RYR3: variants seen among roughly 807,000 people sequenced by gnomAD.
RYR3 encodes brain ryanodine receptor-calcium release channel.
Under a neutral mutation model 584.3 loss-of-function variants are expected in RYR3, and 207 were observed. The observed-to-expected ratio is 0.35, with a 90% CI of 0.32 to 0.40. The LOEUF is 0.40. Ranked by LOEUF, RYR3 falls within the 10% of genes least tolerant of loss-of-function variation. RYR3 has a pLI of 1.00. For missense variants in RYR3, 5,616 were observed against 6,089.2 expected (o/e 0.92, Z 2.59); for synonymous variants, 2,416 against 2,248.5 (o/e 1.07, Z -2.11).
chr15:33,571,620 G>A (rs891689088), intron 12 of RYR3, among the ~76,000 whole-genome samples: 1 of 152,102 alleles, frequency 6.6e-6, no homozygotes, highest in African/African-American at 2.4e-5. Flanking sequence ...TGTCTTGAAT[G>A]TGCAGATTAT....
At chr15:33,500,818 A>C (rs1019444618) in intron 2 of RYR3, among the ~76,000 whole-genome samples, 1 of 152,066 alleles carries the variant, frequency 6.6e-6, no homozygotes, top group African/African-American at 2.4e-5. Flanking sequence ...TGGAGGTGGG[A>C]GTTCAGGCCA....
intron 5 of RYR3, among the ~76,000 whole-genome samples, chr15:33,536,001 CT>C (rs3838859): frequency 1.3e-5 from 2 of 152,284 alleles, no homozygotes; most frequent in East Asian, 3.9e-4. Context: ...TGATATTCTC[CT>C]TGAAGAAAGC....
intron 74 of RYR3, 21 bp downstream of exon 74, chr15:33,813,600 C>G (rs1262782659): frequency 6.3e-7 from 1 of 1,590,714 alleles, no homozygotes; most frequent in Admixed American, 1.7e-5. Context: ...TGTCTTTTTT[C>G]CTGGCATGTA....
At chr15:33,437,406 G>A (rs1207014834) in intron 1 of RYR3, among the ~76,000 whole-genome samples, 1 of 152,208 alleles carries the variant, frequency 6.6e-6, no homozygotes, top group Admixed American at 6.5e-5. Context: ...GGAAGAAGAG[G>A]AGAAGTATAA....
At chr15:33,635,578 T>C (rs766060236) in intron 25 of RYR3, 36 bp from the exon 26 acceptor site, 51 of 1,550,028 alleles carry the variant, frequency 3.3e-5, no homozygotes, top group Middle Eastern at 1.7e-4. Flanking sequence ...TCTCTTTCCC[T>C]TCCACACCCT....
intron 43 of RYR3, among the ~76,000 whole-genome samples, chr15:33,712,580 C>T (rs1330918118): frequency 6.6e-6 from 1 of 152,090 alleles, no homozygotes; most frequent in Non-Finnish European, 1.5e-5. Context: ...CAGATTAGAA[C>T]TAAGTAGATT....
chr15:33,376,037 C>G (rs780146569), intron 1 of RYR3, among the ~76,000 whole-genome samples: 1 of 152,196 alleles, frequency 6.6e-6, no homozygotes, highest in Non-Finnish European at 1.5e-5. Context: ...GCACTCCAGC[C>G]TGGGGAACAG....
intron 94 of RYR3, chr15:33,849,069 C>CTGG (rs1435370697): frequency 6.6e-6 from 1 of 152,410 alleles, no homozygotes; most frequent in African/African-American, 2.4e-5. Context: ...ATCTCCTGAT[C>CTGG]TGGTGATCCA....
chr15:33,316,030 T>C (rs1968124209), intron 1 of RYR3, among the ~76,000 whole-genome samples: 1 of 152,316 alleles, frequency 6.6e-6, no homozygotes, highest in African/African-American at 2.4e-5. Context: ...TTATTAAATA[T>C]GTTAAATAAC....
At chr15:33,467,192 T>A (rs539966863) in intron 1 of RYR3, among the ~76,000 whole-genome samples, 164 of 152,366 alleles carry the variant, frequency 1.1e-3, no homozygotes, top group Non-Finnish European at 2.1e-3. Flanking sequence ...CATTATGGAT[T>A]TTCCTCTGCA....
chr15:33,727,954 CTTGA>C (rs1434861690), intron 46 of RYR3, among the ~76,000 whole-genome samples: 1 of 152,188 alleles, frequency 6.6e-6, no homozygotes, highest in Non-Finnish European at 1.5e-5. Flanking sequence ...CTTTGAACCT[CTTGA>C]TTAAGATTAG....
At chr15:33,627,876 AC>A (rs1566816616) in intron 20 of RYR3, among the ~76,000 whole-genome samples, 2 of 152,172 alleles carry the variant, frequency 1.3e-5, no homozygotes, top group East Asian at 3.9e-4. Flanking sequence ...TCAGAAGGAC[AC>A]TTAGGAAATG....
intron 1 of RYR3, among the ~76,000 whole-genome samples, chr15:33,347,879 G>C (rs1203858573): frequency 1.3e-5 from 2 of 151,686 alleles, no homozygotes; most frequent in Non-Finnish European, 2.9e-5. Flanking sequence ...AGGAACCCTA[G>C]TTCCTTTCAT....
At chr15:33,782,590 C>G (rs1208282122) in intron 65 of RYR3, among the ~76,000 whole-genome samples, 1 of 152,126 alleles carries the variant, frequency 6.6e-6, no homozygotes, top group African/African-American at 2.4e-5. Context: ...GCTTAATGAG[C>G]TGTAAGAAGG....
At chr15:33,570,192 G>C (rs1239410757) in intron 12 of RYR3, among the ~76,000 whole-genome samples, 1 of 152,034 alleles carries the variant, frequency 6.6e-6, no homozygotes, top group East Asian at 1.9e-4. Context: ...TTTTCTAAAA[G>C]TTTCAAAATT....
chr15:33,359,821 C>G (rs1484913193), intron 1 of RYR3, among the ~76,000 whole-genome samples: 3 of 151,848 alleles, frequency 2.0e-5, no homozygotes, highest in Non-Finnish European at 4.4e-5. Context: ...CGGGGTTTCA[C>G]TGTGTTAGCC....
intron 53 of RYR3, among the ~76,000 whole-genome samples, chr15:33,747,393 T>TTTGG (rs2070835802): frequency 7.6e-6 from 1 of 131,098 alleles, no homozygotes; most frequent in South Asian, 2.7e-4. Context: ...TTTTTTTTTT[T>TTTGG]GAGACGGAGT....
chr15:33,774,461 T>A (rs1001704385), intron 64 of RYR3, among the ~76,000 whole-genome samples: 16 of 152,238 alleles, frequency 1.1e-4, no homozygotes, highest in Non-Finnish European at 2.4e-4. Context: ...TCAAACAAAT[T>A]GGTAGTGAAC....
Position 33,865,233 on chromosome 15 carries a change from A to G in RYR3, c.*7A>G. On this transcript the variant is annotated 3_prime_UTR_variant, in exon 104 of 104. Coordinates refer to ENST00000634891, the MANE Select transcript of RYR3 (RefSeq NM_001036.6). Reference sequence around the variant, plus strand: ...TGAAGATCAGCTTGGATAAATCTGAATCAAAGAAGCGCGACAATTCTGGAC... The same window carrying G: ...TGAAGATCAGCTTGGATAAATCTGAGTCAAAGAAGCGCGACAATTCTGGAC... 1.9e-6 allele frequency: 3 copies of G among 1,605,436 alleles called. No homozygotes were observed. Among genetic ancestry groups the G allele is most frequent in the Non-Finnish European group, 2.6e-6 (3 of 1,172,944 alleles).
Sources: allele counts gnomAD v4.1 joint callset (sites outside exome capture counted in the v4.1 genomes callset), GRCh38; gene constraint gnomAD v4.1.1; transcripts MANE v1.5; gene names NCBI Gene and HGNC (gene_info 2026-07-23, HGNC 2026-07-21).